INPP5D: variants seen among roughly 807,000 people sequenced by gnomAD.
INPP5D encodes inositol polyphosphate-5-phosphatase D.
Under a neutral mutation model 122.9 loss-of-function variants are expected in INPP5D, and 33 were observed. The ratio of observed to expected loss-of-function variants is 0.27; its 90% CI spans 0.20 to 0.36. The LOEUF (loss-of-function observed/expected upper bound fraction) is 0.36. INPP5D is among the 10% of genes least tolerant of loss of function. The probability of loss-of-function intolerance (pLI) is 1.00; values close to 1 mark genes in which losing one functional copy is unlikely to be tolerated. For synonymous variants in INPP5D, 584 were observed against 576.2 expected (o/e 1.01, Z -0.19); for missense variants, 1,053 against 1,412.7 (o/e 0.75, Z 4.08).
chr2:233,125,803 C>A lies in INPP5D; in HGVS notation c.408C>A (p.Ser136Arg), dbSNP rs1234111073. Residue 136 changes from serine (S) to arginine (R), a missense_variant, in exon 4 of 27, where the codon AGC becomes AGA. By Grantham distance (110) the Ser-to-Arg change is moderately radical. Around this residue, in one of 6 missense-constraint regions of INPP5D, gnomAD observed 196 missense variants for 175.6 expected, o/e 1.12. Coordinates refer to ENST00000445964, the MANE Select transcript of INPP5D (RefSeq NM_001017915.3). ...CAAGAAACATCCCGCTGACTGCCAGCTCCTGTGAGGCCAAGGAGGTTCCTT... is the reference window on the plus strand; with the variant it reads ...CAAGAAACATCCCGCTGACTGCCAGATCCTGTGAGGCCAAGGAGGTTCCTT... ...LPPRNIPLTASSCEAKEVPFS... is the reference protein window; with the variant it reads ...LPPRNIPLTARSCEAKEVPFS... 3 of 1,613,856 alleles carry A rather than the reference C, an allele frequency of 1.9e-6. No individual in the cohort carries two copies. Among genetic ancestry groups the A allele is most frequent in the Non-Finnish European group, 2.5e-6 (3 of 1,179,872 alleles).
At chr2:233,142,035 AC>A (rs2106274865) in intron 6 of INPP5D, among the ~76,000 whole-genome samples, 1 of 152,372 alleles carries the variant, frequency 6.6e-6, no homozygotes, top group African/African-American at 2.4e-5. Context: ...CGACACTTGA[AC>A]TTAAGTAGTT....
chr2:233,107,189 A>G lies in INPP5D; in HGVS notation c.199-14918A>G, dbSNP rs568890959. Reference sequence around the variant, plus strand: ...TTCCCCAGCAGAGGGTGCGGTAGGCAGGGCTGCTGGTGGGTAGGCAGGGGG... The same window carrying G: ...TTCCCCAGCAGAGGGTGCGGTAGGCGGGGCTGCTGGTGGGTAGGCAGGGGG... On this transcript the variant is annotated intron_variant, in intron 2 of 26. Transcript: ENST00000445964. 1.5e-4 allele frequency among the ~76,000 whole-genome samples: 23 copies of G among 152,140 alleles called. 1 individual carries two copies. Among genetic ancestry groups the G allele is most frequent in the Non-Finnish European group, 3.4e-4 (23 of 68,024 alleles).
chr2:233,071,548 C>T (rs889616645), intron 1 of INPP5D, among the ~76,000 whole-genome samples: 1 of 151,934 alleles, frequency 6.6e-6, no homozygotes, highest in Non-Finnish European at 1.5e-5. Flanking sequence ...CCAGGTGAAC[C>T]AGCTAATAAT....
At chr2:233,065,728 C>G (rs945756430) in intron 1 of INPP5D, among the ~76,000 whole-genome samples, 3 of 151,698 alleles carry the variant, frequency 2.0e-5, no homozygotes, top group Non-Finnish European at 4.4e-5. Flanking sequence ...CTCACTGCAA[C>G]CTCCACCTCC....
intron 2 of INPP5D, among the ~76,000 whole-genome samples, chr2:233,117,885 G>C (rs1434515186): frequency 1.3e-5 from 2 of 152,206 alleles, no homozygotes; most frequent in Admixed American, 6.5e-5. Flanking sequence ...ATGCATGGAA[G>C]ACCCTCCCTG....
Position 233,184,995 on chromosome 2 carries a change from C to G in INPP5D, c.2275+474C>G, listed in dbSNP as rs142830160. Among the ~76,000 whole-genome samples the G allele has an allele frequency of 1.0e-3, 158 of 152,234 alleles. 1 individual carries two copies. Among genetic ancestry groups the G allele is most frequent in the African/African-American group, 3.7e-3 (155 of 41,532 alleles). On this transcript the variant is annotated intron_variant, in intron 20 of 26. Transcript: ENST00000445964. Reference sequence around the variant, plus strand: ...GGGGACTGCAGCGTCCGAAAGCAAGCAGGAGATGGACAGGCTCCCCTGAGC... The same window carrying G: ...GGGGACTGCAGCGTCCGAAAGCAAGGAGGAGATGGACAGGCTCCCCTGAGC...
intron 19 of INPP5D, among the ~76,000 whole-genome samples, chr2:233,182,955 G>A (rs1243023466): frequency 6.6e-6 from 1 of 152,156 alleles, no homozygotes; most frequent in Admixed American, 6.5e-5. Flanking sequence ...ATTTTAAAAA[G>A]TGAGTCTATT....
Position 233,063,181 on chromosome 2 carries a change from C to T in INPP5D, c.134+2569C>T, listed in dbSNP as rs189068176. 3.4e-3 allele frequency among the ~76,000 whole-genome samples: 520 copies of T among 152,330 alleles called. 1 individual carries two copies. The highest frequency in any genetic ancestry group is 5.6e-3 in the Non-Finnish European group (379 of 68,018). Reference sequence around the variant, plus strand: ...CTGCAGAAGTAGCAGGCTTTGCCCCCCTAGCCCTGGAAGCCTGGAGCCACC... The same window carrying T: ...CTGCAGAAGTAGCAGGCTTTGCCCCTCTAGCCCTGGAAGCCTGGAGCCACC... On this transcript the variant is annotated intron_variant, in intron 1 of 26. Coordinates refer to ENST00000445964, the MANE Select transcript of INPP5D (RefSeq NM_001017915.3).
Position 233,163,902 on chromosome 2 carries a change from C to T in INPP5D, c.1436C>T (p.Thr479Ile). Reference sequence around the variant, plus strand: ...GAAATCACCAGTGTGACTTTTAAAACAGTGAGCAGCTGGCTGCACGCTGGG... The same window carrying T: ...GAAATCACCAGTGTGACTTTTAAAATAGTGAGCAGCTGGCTGCACGCTGGG... ...LQEITSVTFKTVAIHTLWNIR... is the reference protein window; with the variant it reads ...LQEITSVTFKIVAIHTLWNIR... Residue 479 changes from threonine to isoleucine, a missense_variant and splice_region_variant, in exon 12 of 27, where the codon ACA (threonine) becomes ATA (isoleucine). This residue lies in a region of INPP5D where 105 missense variants were observed against 199.8 expected (regional missense o/e 0.53). Coordinates refer to ENST00000445964, the MANE Select transcript of INPP5D (RefSeq NM_001017915.3). 6.2e-7 allele frequency: 1 copy of T among 1,613,550 alleles called. No homozygotes were observed. The highest frequency in any genetic ancestry group is 1.1e-5 in the South Asian group (1 of 91,068).
intron 2 of INPP5D, among the ~76,000 whole-genome samples, chr2:233,110,974 T>A (rs888835743): frequency 6.6e-6 from 1 of 152,086 alleles, no homozygotes; most frequent in Admixed American, 6.6e-5. Flanking sequence ...ACAGTTATTT[T>A]AAAAAAAGAT....
Position 233,170,441 on chromosome 2 carries a change from C to T in INPP5D, c.1792-55C>T. 6.2e-7 allele frequency: 1 copy of T among 1,609,600 alleles called. No homozygotes were observed. Among genetic ancestry groups the T allele is most frequent in the Non-Finnish European group, 8.5e-7 (1 of 1,177,530 alleles). On this transcript the variant is annotated intron_variant, in intron 15 of 26. Coordinates refer to ENST00000445964, the MANE Select transcript of INPP5D (RefSeq NM_001017915.3). This position sits in a 1 kb window ranked among gnomAD's most constrained non-coding sequence, Gnocchi z 4.5. ...GCCCGCCCCCAGCCCCGAAGCTTGT[C>T]AGGCCTGGATCAGCAGGGCTTCTCA...
At chr2:233,169,632 T>C (rs1694438039) in intron 14 of INPP5D, 1 of 654,770 alleles carries the variant, frequency 1.5e-6, no homozygotes, top group African/African-American at 1.8e-5. Flanking sequence ...CTTGTGTCAT[T>C]AGCCTGATGG....
Position 233,206,629 on chromosome 2 carries a change from G to T in INPP5D, c.3568-77G>T. Reference sequence around the variant, plus strand: ...GGAAGCCTGGCCTAGCCCACAGCATGCAGGGACCTGGGCCACTTAGTTCAA... The same window carrying T: ...GGAAGCCTGGCCTAGCCCACAGCATTCAGGGACCTGGGCCACTTAGTTCAA... On this transcript the variant is annotated intron_variant, in intron 26 of 26. Transcript: ENST00000445964. The surrounding 1 kb of genome is among the most constrained non-coding windows in gnomAD (Gnocchi z 4.0). The T allele has an allele frequency of 1.4e-6, 1 of 732,028 alleles. No individual in the cohort carries two copies. Among genetic ancestry groups the T allele is most frequent in the South Asian group, 1.5e-5 (1 of 68,430 alleles). The allele number at this position is 732,028 out of a possible 1,614,324, so 45.3% of individuals were successfully genotyped here.
chr2:233,100,848 G>A lies in INPP5D; in HGVS notation c.199-21259G>A, dbSNP rs1313794181. On this transcript the variant is annotated intron_variant, in intron 2 of 26. Coordinates refer to ENST00000445964, the MANE Select transcript of INPP5D (RefSeq NM_001017915.3). The surrounding 1 kb of genome is among the most constrained non-coding windows in gnomAD (Gnocchi z 5.3). ...ACTTGCCACCCAGAACACTGTTACT[G>A]TCCCTTTCTGGCATTTCTTGGTTTC... is the stretch of plus-strand genomic sequence containing the variant. Among the ~76,000 whole-genome samples the A allele has an allele frequency of 6.6e-6, 1 of 152,166 alleles. No homozygotes were observed. Among genetic ancestry groups the A allele is most frequent in the Non-Finnish European group, 1.5e-5 (1 of 68,028 alleles).
chr2:233,127,721 G>C (rs147891479), intron 4 of INPP5D, among the ~76,000 whole-genome samples: 4,187 of 152,302 alleles, frequency 0.027, 132 homozygotes, highest in East Asian at 0.18. Context: ...TGATTCTCCT[G>C]CTTCAGCCTC....
At chr2:233,120,712 G>A (rs776870975) in intron 2 of INPP5D, 31 of 152,590 alleles carry the variant, frequency 2.0e-4, no homozygotes, top group Middle Eastern at 3.4e-3. Context: ...GAAGGTAAAG[G>A]GTGAGGTAGG....
At chr2:233,199,867 C>T (rs1233080489) in intron 25 of INPP5D, among the ~76,000 whole-genome samples, 2 of 152,168 alleles carry the variant, frequency 1.3e-5, no homozygotes, top group African/African-American at 2.4e-5. Flanking sequence ...GCTAGTTAAC[C>T]TTTGGGCATC....
intron 2 of INPP5D, among the ~76,000 whole-genome samples, chr2:233,086,992 T>A (rs113947092): frequency 1.3e-5 from 2 of 152,278 alleles, no homozygotes; most frequent in Admixed American, 6.5e-5. Context: ...CATCTCTTTC[T>A]CTAACCCTGA....
intron 9 of INPP5D, among the ~76,000 whole-genome samples, chr2:233,153,050 G>T (rs1439873729): frequency 6.6e-6 from 1 of 152,214 alleles, no homozygotes; most frequent in Non-Finnish European, 1.5e-5. Context: ...TTCAAAGGTA[G>T]ACCAGCCAGC....
Sources: allele counts gnomAD v4.1 joint callset (sites outside exome capture counted in the v4.1 genomes callset), GRCh38; gene constraint gnomAD v4.1.1; regional missense constraint gnomAD v4.1.1; non-coding constraint Gnocchi (gnomAD v3.1); transcripts MANE v1.5; gene names NCBI Gene and HGNC (gene_info 2026-07-23, HGNC 2026-07-21).